The following PSMD14 variants were observed in gnomAD, a reference collection of about 807,000 sequenced individuals.
PSMD14 encodes the protein ubiquitin C-terminal hydrolase PSMD14.
Under a neutral mutation model 41.2 loss-of-function variants are expected in PSMD14, and 7 were observed. The observed-to-expected ratio is 0.17, with a 90% CI of 0.10 to 0.32. The LOEUF is 0.32. PSMD14 is among the 10% of genes least tolerant of loss of function. The probability of loss-of-function intolerance (pLI) is 1.00; values close to 1 mark genes in which losing one functional copy is unlikely to be tolerated. For synonymous variants in PSMD14, 114 were observed against 122.3 expected (o/e 0.93, Z 0.45); for missense variants, 139 against 375.6 (o/e 0.37, Z 5.21).
chr2:161,354,266 G>A (rs2105248896), intron 3 of PSMD14, among the ~76,000 whole-genome samples: 1 of 152,216 alleles, frequency 6.6e-6, no homozygotes, highest in Non-Finnish European at 1.5e-5. Flanking sequence ...GGGGTTGGTG[G>A]AGACAGAGTC....
chr2:161,380,030 T>C (rs1683554246), intron 7 of PSMD14, among the ~76,000 whole-genome samples: 1 of 152,012 alleles, frequency 6.6e-6, no homozygotes, highest in Admixed American at 6.6e-5. Context: ...GCAGGTTCTG[T>C]TGAAAGATCT....
At chr2:161,310,967 C>T (rs188095062) in intron 1 of PSMD14, among the ~76,000 whole-genome samples, 93 of 152,214 alleles carry the variant, frequency 6.1e-4, no homozygotes, top group African/African-American at 2.2e-3. Flanking sequence ...CTTTGGGTTC[C>T]GCATCTGTAG....
At chr2:161,391,590 T>C (rs1312243526) in intron 9 of PSMD14, among the ~76,000 whole-genome samples, 6 of 152,052 alleles carry the variant, frequency 3.9e-5, no homozygotes, top group African/African-American at 1.4e-4. Flanking sequence ...TTTTGTTTGT[T>C]TGTTTGTTTG....
chr2:161,389,325 A>G (rs1162966182), intron 8 of PSMD14, among the ~76,000 whole-genome samples: 1 of 152,206 alleles, frequency 6.6e-6, no homozygotes, highest in African/African-American at 2.4e-5. Flanking sequence ...TCTCTACGCC[A>G]GACTATGTCT....
At position 161,364,342 on chromosome 2, in the gene PSMD14, A is replaced by G. The variant is rs148746700; in HGVS notation, c.49-3136A>G. ...CCAGCCACTTGTGTCTTTGCCTGCT[A>G]GGGTCTGGGAGTTTTAATAGACACA... On this transcript the variant is annotated intron_variant, in intron 3 of 11. Transcript: ENST00000409682. 8.5e-5 allele frequency among the ~76,000 whole-genome samples: 13 copies of G among 152,174 alleles called. No homozygotes were observed. The East Asian group carries it at 2.1e-3, about 25-fold the overall frequency.
chr2:161,409,250 G>A (rs1253118955), intron 11 of PSMD14, among the ~76,000 whole-genome samples: 3 of 152,010 alleles, frequency 2.0e-5, no homozygotes, highest in South Asian at 2.1e-4. Context: ...TGTTAATCAT[G>A]TACTTTATCA....
rs1052943821 is a variant in PSMD14, at chr2:161,337,459, A to C, written c.48+18586A>C. Among the ~76,000 whole-genome samples the C allele has an allele frequency of 2.6e-5, 4 of 152,214 alleles. 1 individual carries two copies. Among genetic ancestry groups the C allele is most frequent in the Admixed American group, 1.3e-4 (2 of 15,286 alleles). On this transcript the variant is annotated intron_variant, in intron 3 of 11. Coordinates refer to ENST00000409682, the MANE Select transcript of PSMD14 (RefSeq NM_005805.6). ...CCACGTGGTATGATTAGCACCATTC[A>C]CAAGGGAAAATGGGTCATAGCTTTA...
rs977027515 is a variant in PSMD14 at position 161,409,428 on chromosome 2, GATTA to G, written c.834+534_834+537del. ...CACCAACCAATTAAAGGAATCTACA[GATTA>G]ATTAGACTGTTTTTTAAAGAATGTT... On this transcript the variant is annotated intron_variant, in intron 11 of 11. Transcript: ENST00000409682. 19 of 152,118 alleles carry G rather than the reference GATTA, an allele frequency of 1.2e-4. 1 individual carries two copies. Among genetic ancestry groups the G allele is most frequent in the African/African-American group, 3.6e-4 (15 of 41,422 alleles). 9.4% of individuals were successfully genotyped at this position (152,118 alleles called of 1,614,324 possible). A position where few individuals can be genotyped will look rare whatever the true frequency, so the allele number is the denominator to read the frequency against.
rs140074060 is a variant in PSMD14 at position 161,373,581 on chromosome 2, A to G, written c.462+2259A>G. ...TAAACTTATAAAAATGAAGAATAGT[A>G]TAAGAGTCTCCCTCTCCCTTTTCCT... On this transcript the variant is annotated intron_variant, in intron 7 of 11. Transcript: ENST00000409682. Among the ~76,000 whole-genome samples, 15 of 152,062 alleles carry G rather than the reference A, an allele frequency of 9.9e-5. No homozygotes were observed. The East Asian group carries it at 2.5e-3, about 26-fold the overall frequency.
chr2:161,332,990 A>G (rs1682817306), intron 3 of PSMD14, among the ~76,000 whole-genome samples: 1 of 152,230 alleles, frequency 6.6e-6, no homozygotes, highest in African/African-American at 2.4e-5. Context: ...AAATAAGTGT[A>G]TAAGAGCATA....
chr2:161,343,451 C>G (rs570856752), intron 3 of PSMD14, among the ~76,000 whole-genome samples: 3 of 152,198 alleles, frequency 2.0e-5, no homozygotes, highest in Non-Finnish European at 4.4e-5. Flanking sequence ...TTTTGTTTGT[C>G]CATTCATCTA....
chr2:161,323,734 C>T (rs1455607341), intron 3 of PSMD14, among the ~76,000 whole-genome samples: 1 of 152,020 alleles, frequency 6.6e-6, no homozygotes, highest in African/African-American at 2.4e-5. Context: ...TCCTCCACTT[C>T]AGTTTAACTT....
intron 5 of PSMD14, among the ~76,000 whole-genome samples, chr2:161,368,818 A>G (rs144928030): frequency 3.2e-4 from 48 of 152,046 alleles, no homozygotes; most frequent in East Asian, 2.3e-3. Flanking sequence ...ACAAATTACA[A>G]TTTTAAGTAC....
intron 3 of PSMD14, among the ~76,000 whole-genome samples, chr2:161,347,956 TG>T (rs1279755501): frequency 4.6e-5 from 7 of 152,186 alleles, no homozygotes; most frequent in Admixed American, 6.5e-5. Context: ...AACATATAAT[TG>T]ACAAGGTATT....
chr2:161,339,805 T>C (rs1682924468), intron 3 of PSMD14, among the ~76,000 whole-genome samples: 1 of 152,286 alleles, frequency 6.6e-6, no homozygotes, highest in African/African-American at 2.4e-5. Flanking sequence ...AACCAAAGGT[T>C]CCAGGCCCAG....
intron 7 of PSMD14, among the ~76,000 whole-genome samples, chr2:161,371,986 T>C (rs1217941151): frequency 6.6e-6 from 1 of 151,972 alleles, no homozygotes; most frequent in East Asian, 1.9e-4. Context: ...TTTTATTTCT[T>C]TCTTTCTAGC....
chr2:161,326,192 G>T (rs893052179), intron 3 of PSMD14, among the ~76,000 whole-genome samples: 18 of 152,074 alleles, frequency 1.2e-4, no homozygotes, highest in Middle Eastern at 3.4e-3. Context: ...CACCACGCCC[G>T]GCTAATTTTT....
intron 3 of PSMD14, among the ~76,000 whole-genome samples, chr2:161,354,679 T>G (rs748616445): frequency 6.6e-6 from 1 of 152,192 alleles, no homozygotes; most frequent in Non-Finnish European, 1.5e-5. Flanking sequence ...GTATATATAT[T>G]TATGAAGTAT....
chr2:161,385,064 T>C (rs1683616830), intron 7 of PSMD14: 1 of 153,084 alleles, frequency 6.5e-6, no homozygotes, highest in Middle Eastern at 3.2e-3. Flanking sequence ...AGGGCTGGGC[T>C]TTAGATGTGG....
Sources: gnomAD v4.1 joint callset for allele counts (sites outside exome capture counted in the v4.1 genomes callset) on GRCh38, gnomAD v4.1.1 for gene constraint, MANE v1.5 for transcripts, NCBI Gene and HGNC (gene_info 2026-07-23, HGNC 2026-07-21) for gene names.